The following FMNL2 variants were observed in gnomAD, a reference collection of about 807,000 sequenced individuals.
FMNL2 encodes formin-like protein 2.
FMNL2 carries 51 observed loss-of-function variants against 130.2 expected under a neutral mutation model. The observed-to-expected ratio is 0.39, with a 90% confidence interval of 0.31 to 0.49. FMNL2 has a LOEUF of 0.49. FMNL2 is among the 20% of genes least tolerant of loss of function. The pLI, the probability that FMNL2 is intolerant of heterozygous loss-of-function variation, is 0.85. For missense variants in FMNL2, 977 were observed against 1,316.2 expected (o/e 0.74, Z 3.99); for synonymous variants, 465 against 467.1 (o/e 1.00, Z 0.06).
At chr2:152,466,833 C>T (rs1689572547) in intron 1 of FMNL2, among the ~76,000 whole-genome samples, 4 of 152,120 alleles carry the variant, frequency 2.6e-5, no homozygotes, top group Admixed American at 6.5e-5. Context: ...CTGCAGTCCC[C>T]GTGAAGTGCT....
chr2:152,579,688 ACT>A (rs1458621880), intron 8 of FMNL2, among the ~76,000 whole-genome samples: 3 of 152,298 alleles, frequency 2.0e-5, no homozygotes, highest in Non-Finnish European at 4.4e-5. Context: ...ACAGGGCAAG[ACT>A]CTGTCTCAAA....
chr2:152,619,445 G>A (rs201839090), intron 14 of FMNL2, 64 bp from the exon 15 acceptor site: 77 of 1,545,946 alleles, frequency 5.0e-5, no homozygotes, highest in Non-Finnish European at 6.2e-5. Flanking sequence ...ATATGCACAT[G>A]GCTTATTGCA....
intron 6 of FMNL2, among the ~76,000 whole-genome samples, chr2:152,561,545 C>T (rs1695524636): frequency 6.7e-6 from 1 of 149,980 alleles, no homozygotes; most frequent in Non-Finnish European, 1.5e-5. Context: ...AACCAGTGTT[C>T]CTTTGATTAG....
chr2:152,415,668 A>G (rs773191885), intron 1 of FMNL2, among the ~76,000 whole-genome samples: 1 of 152,176 alleles, frequency 6.6e-6, no homozygotes, highest in Non-Finnish European at 1.5e-5. Flanking sequence ...TATAGTTGGT[A>G]TCTACTCCTA....
At chr2:152,426,158 A>G (rs889932025) in intron 1 of FMNL2, among the ~76,000 whole-genome samples, 5 of 152,200 alleles carry the variant, frequency 3.3e-5, no homozygotes, top group African/African-American at 9.6e-5. Context: ...AGTGAGGAAG[A>G]GAAGCTCAGG....
At chr2:152,404,444 G>A (rs1031682673) in intron 1 of FMNL2, among the ~76,000 whole-genome samples, 20 of 152,132 alleles carry the variant, frequency 1.3e-4, no homozygotes, top group Non-Finnish European at 2.8e-4. Flanking sequence ...CATCTTTGGG[G>A]ATAATGTCAT....
At chr2:152,538,426 C>T (rs920101613) in intron 2 of FMNL2, among the ~76,000 whole-genome samples, 6 of 151,826 alleles carry the variant, frequency 4.0e-5, no homozygotes, top group East Asian at 1.9e-4. Flanking sequence ...ATTACAGGCA[C>T]GCGCCACCAC....
chr2:152,530,555 C>G (rs1387305585), intron 2 of FMNL2, among the ~76,000 whole-genome samples: 1 of 152,154 alleles, frequency 6.6e-6, no homozygotes, highest in African/African-American at 2.4e-5. Flanking sequence ...CCTTGTGAAG[C>G]GTGATGTGCT....
At chr2:152,606,207 A>C (rs531031682) in intron 9 of FMNL2, among the ~76,000 whole-genome samples, 2 of 152,360 alleles carry the variant, frequency 1.3e-5, no homozygotes, top group South Asian at 2.1e-4. Context: ...TCACAAATGG[A>C]ATCAGAAAAT....
intron 1 of FMNL2, among the ~76,000 whole-genome samples, chr2:152,419,873 G>T (rs1686819751): frequency 6.6e-6 from 1 of 152,158 alleles, no homozygotes. Context: ...GACTCCGATT[G>T]TAACAGGCAA....
intron 9 of FMNL2, among the ~76,000 whole-genome samples, chr2:152,587,057 C>T (rs888521898): frequency 1.3e-5 from 2 of 152,160 alleles, no homozygotes; most frequent in African/African-American, 4.8e-5. Context: ...CCAGCTGGGA[C>T]TATCAACCAG....
At chr2:152,412,448 A>C (rs13412574) in intron 1 of FMNL2, among the ~76,000 whole-genome samples, 1 of 5,208 alleles carries the variant, frequency 1.9e-4, no homozygotes, top group African/African-American at 6.1e-4. Flanking sequence ...TGTATATTTT[A>C]TATATATATA....
Position 152,542,765 on chromosome 2 carries a change from C to G in FMNL2, c.228C>G (p.Pro76=), listed in dbSNP as rs1311243544. The change falls in exon 3 of 26, where the codon CCC becomes CCG. Residue 76 remains proline, a synonymous_variant. Transcript: ENST00000288670. ...AACGATTCCAGGTGAAGAATCCTCCCCATACATACATTCAAAAGCTCAAAG... is the reference window on the plus strand; with the variant it reads ...AACGATTCCAGGTGAAGAATCCTCCGCATACATACATTCAAAAGCTCAAAG... ...DQERFQVKNP[P]HTYIQKLKGY... is the part of the protein sequence containing the mutation. 6.2e-7 allele frequency: 1 copy of G among 1,614,042 alleles called. No homozygotes were observed. Among genetic ancestry groups the G allele is most frequent in the Admixed American group, 1.7e-5 (1 of 60,024 alleles).
chr2:152,516,682 C>T (rs968139937), intron 1 of FMNL2, among the ~76,000 whole-genome samples: 22 of 152,134 alleles, frequency 1.4e-4, no homozygotes, highest in African/African-American at 5.1e-4. Context: ...AAGGATTTTA[C>T]AAGTTTGCAT....
At chr2:152,473,580 A>C (rs1689969654) in intron 1 of FMNL2, among the ~76,000 whole-genome samples, 1 of 152,238 alleles carries the variant, frequency 6.6e-6, no homozygotes, top group Admixed American at 6.5e-5. Context: ...ATAATTGAGA[A>C]AATCATGGGG....
In FMNL2 at chr2:152,615,056, G is replaced by A; in HGVS notation, c.1212+56G>A. 7.6e-6 allele frequency: 12 copies of A among 1,579,148 alleles called. 1 individual carries two copies. In the Admixed American group the frequency reaches 2.2e-4, roughly 29 times the overall value. ...TTACATTTCAGCTGGTTGCAAAGCA[G>A]AATTAATGTCAGCTTTTATGGTGGT... On this transcript the variant is annotated intron_variant, in intron 12 of 25. Coordinates refer to ENST00000288670, the MANE Select transcript of FMNL2 (RefSeq NM_052905.4).
chr2:152,618,102 C>T (rs943047009), intron 13 of FMNL2, among the ~76,000 whole-genome samples: 1 of 152,156 alleles, frequency 6.6e-6, no homozygotes, highest in Non-Finnish European at 1.5e-5. Context: ...CAAGGAAGTT[C>T]AGTTCCATAA....
intron 22 of FMNL2, among the ~76,000 whole-genome samples, chr2:152,637,289 T>C (rs1682699750): frequency 6.6e-6 from 1 of 152,068 alleles, no homozygotes; most frequent in African/African-American, 2.4e-5. Context: ...GTATGTGGGG[T>C]GTGTGCGTGT....
intron 6 of FMNL2, among the ~76,000 whole-genome samples, chr2:152,572,333 G>A (rs2105672256): frequency 6.6e-6 from 1 of 152,200 alleles, no homozygotes; most frequent in East Asian, 1.9e-4. Flanking sequence ...CAACTTTGGG[G>A]CTTAAAAAAG....
Sources: gnomAD v4.1 joint callset for allele counts (sites outside exome capture counted in the v4.1 genomes callset) on GRCh38, gnomAD v4.1.1 for gene constraint, MANE v1.5 for transcripts, NCBI Gene and HGNC (gene_info 2026-07-23, HGNC 2026-07-21) for gene names.